MRPL43: variants seen among roughly 807,000 people sequenced by gnomAD.
The protein encoded by MRPL43 is large ribosomal subunit protein mL43.
MRPL43 carries 9 observed loss-of-function variants against 12.7 expected under a neutral mutation model. The ratio of observed to expected loss-of-function variants is 0.71; its 90% CI spans 0.43 to 1.24. The LOEUF (loss-of-function observed/expected upper bound fraction) is 1.24, where lower values mean the gene tolerates loss of function less well. Ranked by LOEUF, MRPL43 falls within the 50% of genes most tolerant of loss-of-function variation. The probability of loss-of-function intolerance (pLI) is 0.00; values close to 1 mark genes in which losing one functional copy is unlikely to be tolerated. For synonymous variants in MRPL43, 116 were observed against 96.4 expected (o/e 1.20, Z -1.19); for missense variants, 211 against 229.2 (o/e 0.92, Z 0.51).
At chr10:100,983,232 G>T, downstream of MRPL43, 1 of 1,442,570 alleles carries the variant, frequency 6.9e-7, no homozygotes, top group South Asian at 1.5e-5. Context: ...ACTTGGCAGT[G>T]AACAGTCTGG....
At chr10:100,985,016 C>G, downstream of MRPL43, 1 of 1,141,862 alleles carries the variant, frequency 8.8e-7, no homozygotes, top group Non-Finnish European at 1.2e-6. Context: ...TTGGACCTGT[C>G]TGTTGGGTTT....
chr10:100,985,425 T>C (rs1053207362), downstream of MRPL43: 5 of 152,648 alleles, frequency 3.3e-5, no homozygotes, highest in African/African-American at 1.2e-4. Flanking sequence ...ATCCCACGGG[T>C]TTTTACTGCC....
chr10:100,983,827 A>T (rs1188499233), downstream of MRPL43: 1 of 1,599,970 alleles, frequency 6.3e-7, no homozygotes, highest in East Asian at 2.3e-5. Flanking sequence ...CCTGGAGAGG[A>T]AGATGAGGGT....
chr10:100,983,327 C>A, downstream of MRPL43: 1 of 1,567,540 alleles, frequency 6.4e-7, no homozygotes. Context: ...CACTGAAGAC[C>A]CGCTCTGTGC....
downstream of MRPL43, chr10:100,979,475 C>G (rs141592520): frequency 3.7e-6 from 5 of 1,366,120 alleles, no homozygotes; most frequent in East Asian, 2.5e-5. Flanking sequence ...CTCCGCCTCC[C>G]GGGTTCAAGT....
downstream of MRPL43, chr10:100,984,341 A>G (rs1851312352): frequency 6.9e-7 from 1 of 1,441,638 alleles, no homozygotes; most frequent in Non-Finnish European, 9.1e-7. Context: ...GCCCAGGCCC[A>G]TCGGTGCTCC....
At chr10:100,979,384 G>T (rs370502931), downstream of MRPL43, 2 of 1,585,208 alleles carry the variant, frequency 1.3e-6, no homozygotes, top group African/African-American at 1.4e-5. Flanking sequence ...TGCAAAGTGA[G>T]AATTTTTTTT....
At chr10:100,979,030 T>C, downstream of MRPL43, 1 of 1,613,704 alleles carries the variant, frequency 6.2e-7, no homozygotes, top group Non-Finnish European at 8.5e-7. Context: ...TGGATTGGGC[T>C]GACGTTGGGG....
At chr10:100,983,730 C>G, downstream of MRPL43, 2 of 1,613,374 alleles carry the variant, frequency 1.2e-6, no homozygotes, top group Non-Finnish European at 1.7e-6. Flanking sequence ...GGAAGGCAGA[C>G]GAGGGCGCCG....
At chr10:100,980,084 G>A (rs34389611), downstream of MRPL43, 170,364 of 1,612,880 alleles carry the variant, frequency 0.11, 9,881 homozygotes, top group Non-Finnish European at 0.12. Flanking sequence ...GGCAGGTGGT[G>A]GAGTCCCGAG....
At chr10:100,981,289 G>A, downstream of MRPL43, 2 of 1,598,816 alleles carry the variant, frequency 1.3e-6, no homozygotes, top group Non-Finnish European at 1.7e-6. Context: ...GCCATTTACT[G>A]CCATGTGTAC....
chr10:100,981,635 T>C (rs1027262382), downstream of MRPL43: 18 of 1,427,122 alleles, frequency 1.3e-5, no homozygotes, highest in East Asian at 4.6e-5. Flanking sequence ...CTATGCATGA[T>C]GTCATCTACT....
chr10:100,984,235 A>G, downstream of MRPL43: 2 of 1,463,818 alleles, frequency 1.4e-6, no homozygotes, highest in South Asian at 2.8e-5. Flanking sequence ...CCCCCACTCC[A>G]TACCCTTCTC....
At position 100,986,935 on chromosome 10, in the gene MRPL43, C is replaced by G; in HGVS notation, c.279G>C (p.Ser93=). The G allele has an allele frequency of 6.2e-7, 1 of 1,609,252 alleles. No individual in the cohort carries two copies. Among genetic ancestry groups the G allele is most frequent in the Non-Finnish European group, 8.5e-7 (1 of 1,180,000 alleles). ...AVREESIHCK[S]VEEISTLVQK... is the part of the protein sequence containing the mutation. ...GCACCAGCGTCGAGATCTCCTCGAC[C>G]GACTTGCAGTGGATGCTCTCCTCGC... Residue 93 remains serine, a synonymous_variant, in exon 3 of 3, where the codon TCG becomes TCC. Transcript: ENST00000318364.
downstream of MRPL43, chr10:100,980,998 G>A: frequency 6.3e-7 from 1 of 1,593,444 alleles, no homozygotes; most frequent in East Asian, 2.2e-5. Context: ...AGGGAAGCAG[G>A]TGGGAAGTGG....
chr10:100,981,264 C>G (rs1326575118), downstream of MRPL43: 1 of 1,608,534 alleles, frequency 6.2e-7, no homozygotes. Context: ...TCTAGCTACG[C>G]AGACTGTCCT....
chr10:100,983,942 G>T (rs766151814), downstream of MRPL43: 5 of 1,604,348 alleles, frequency 3.1e-6, no homozygotes, highest in African/African-American at 6.8e-5. Context: ...CACCGGCTGA[G>T]CTGACCAATG....
At chr10:100,978,421 G>A (rs1850895023), downstream of MRPL43, 1 of 1,606,536 alleles carries the variant, frequency 6.2e-7, no homozygotes, top group South Asian at 1.1e-5. Context: ...CACAGACATG[G>A]TATTTTTAGG....
rs1454559004 is a variant in MRPL43 at position 100,986,468 on chromosome 10, C to T, written c.*266G>A. ...TTATTATCAATTTGGATTTAAAAAA[C>T]AAGGGCCCTGTAAAACCCTTGAAGT... On this transcript the variant is annotated 3_prime_UTR_variant, in exon 3 of 3. Transcript: ENST00000318364. The T allele has an allele frequency of 6.5e-7, 1 of 1,532,352 alleles. No homozygotes were observed. The highest frequency in any genetic ancestry group is 8.8e-7 in the Non-Finnish European group (1 of 1,141,402). The allele number at this position is 1,532,352 out of a possible 1,614,324, so 94.9% of individuals were successfully genotyped here. A position where few individuals can be genotyped will look rare whatever the true frequency, so the allele number is the denominator to read the frequency against.
Sources: gnomAD v4.1 joint callset for allele counts on GRCh38, gnomAD v4.1.1 for gene constraint, MANE v1.5 for transcripts, NCBI Gene and HGNC (gene_info 2026-07-23, HGNC 2026-07-21) for gene names.